The following FAM83F variants were observed in gnomAD, a reference collection of about 807,000 sequenced individuals.
The protein encoded by FAM83F is scaffolding CK1 anchoring protein F, also known as protein FAM83F.
FAM83F carries 45 observed loss-of-function variants against 42.9 expected under a neutral mutation model. The ratio of observed to expected loss-of-function variants is 1.05; its 90% CI spans 0.83 to 1.35. The LOEUF is 1.35. FAM83F is among the 40% of genes most tolerant of loss of function. FAM83F has a pLI of 0.00. For missense variants in FAM83F, 617 were observed against 695.9 expected, an observed-to-expected ratio of 0.89 and a Z score of 1.28; for synonymous variants, 306 against 298.3, an observed-to-expected ratio of 1.03 and a Z score of -0.27.
chr22:40,004,675 T>C (rs1417641285), intron 1 of FAM83F, among the ~76,000 whole-genome samples: 2 of 152,168 alleles, frequency 1.3e-5, no homozygotes, highest in East Asian at 1.9e-4. Context: ...TGACCTCAAG[T>C]GATCCACCCT....
At chr22:40,009,508 A>G (rs1010154704) in intron 1 of FAM83F, among the ~76,000 whole-genome samples, 1 of 152,222 alleles carries the variant, frequency 6.6e-6, no homozygotes, top group Non-Finnish European at 1.5e-5. Flanking sequence ...AGCTCATCAA[A>G]GCATGGTAGG....
Position 40,035,410 on chromosome 22 carries a change from C to T in FAM83F, c.*5845C>T, listed in dbSNP as rs951012844. On this transcript the variant is annotated 3_prime_UTR_variant, in exon 5 of 5. Coordinates refer to ENST00000333407, the MANE Select transcript of FAM83F (RefSeq NM_138435.4). Reference sequence around the variant, plus strand: ...AACCATGCGTCATGATTCTTATTTCCTGCTCGCAGCTTTGACTCTCTGCCT... The same window carrying T: ...AACCATGCGTCATGATTCTTATTTCTTGCTCGCAGCTTTGACTCTCTGCCT... 12 of 152,382 alleles carry T rather than the reference C, an allele frequency of 7.9e-5. No individual in the cohort carries two copies. The highest frequency in any genetic ancestry group is 2.6e-4 in the African/African-American group (11 of 41,578). The allele number at this position is 152,382 out of a possible 1,614,324, so 9.4% of individuals were successfully genotyped here.
At chr22:40,022,062 G>T (rs2067526660) in intron 4 of FAM83F, 99 bp downstream of exon 4, 2 of 1,082,978 alleles carry the variant, frequency 1.8e-6, no homozygotes, top group Non-Finnish European at 2.6e-6. Context: ...CTGCAGAGGA[G>T]TAGATTCCAT....
intron 1 of FAM83F, among the ~76,000 whole-genome samples, chr22:40,013,082 CAAAAAA>C (rs754625979): frequency 5.8e-4 from 27 of 46,410 alleles, no homozygotes; most frequent in East Asian, 1.6e-3. Flanking sequence ...GACTCCGTTT[CAAAAAA>C]AAAAAAAAAA....
chr22:40,001,771 AC>A (rs2145707928), intron 1 of FAM83F, among the ~76,000 whole-genome samples: 1 of 152,320 alleles, frequency 6.6e-6, no homozygotes, highest in Non-Finnish European at 1.5e-5. Context: ...TTAGAAAGTA[AC>A]TGCTGTCATC....
At chr22:40,007,380 C>T (rs1436991524) in intron 1 of FAM83F, among the ~76,000 whole-genome samples, 4 of 115,810 alleles carry the variant, frequency 3.5e-5, no homozygotes, top group Admixed American at 8.2e-5. Context: ...TCCTCTCCTC[C>T]TCCTCTCCTC....
intron 1 of FAM83F, among the ~76,000 whole-genome samples, chr22:40,000,380 G>A (rs576570981): frequency 6.6e-6 from 1 of 152,232 alleles, no homozygotes; most frequent in South Asian, 2.1e-4. Flanking sequence ...GAACAGCTGG[G>A]ATACAGATGC....
intron 1 of FAM83F, among the ~76,000 whole-genome samples, chr22:40,018,024 T>C (rs1253112144): frequency 6.6e-6 from 1 of 152,188 alleles, no homozygotes; most frequent in Non-Finnish European, 1.5e-5. Flanking sequence ...ATGGTTTGTG[T>C]AGGAAGCTGG....
intron 1 of FAM83F, among the ~76,000 whole-genome samples, chr22:40,007,205 C>T (rs951394537): frequency 1.7e-4 from 25 of 146,402 alleles, no homozygotes; most frequent in African/African-American, 5.9e-4. Context: ...CTCCTGCGGG[C>T]AGCTGTGCAG....
rs2145720465 is a variant in FAM83F, at chr22:40,021,601, G to A, written c.1091G>A (p.Gly364Asp). ...GAGGGGCAGGAGGAGGGCGCCAGCG[G>A]TGGCGAGTCGGCCTGGCGCCTGGAG... ...NPEGQEEGAS[G>D]GESAWRLESF... is the part of the protein sequence containing the mutation. The change falls in exon 4 of 5, where the codon GGT becomes GAT. Residue 364 changes from glycine (G) to aspartate (D), a missense_variant. By Grantham distance (94) the Gly-to-Asp change is moderately conservative. Coordinates refer to ENST00000333407, the MANE Select transcript of FAM83F (RefSeq NM_138435.4). This position sits in a 1 kb window ranked among gnomAD's most constrained non-coding sequence, Gnocchi z 8.7. 1.9e-6 allele frequency: 3 copies of A among 1,580,474 alleles called. No homozygotes were observed. The highest frequency in any genetic ancestry group is 2.6e-6 in the Non-Finnish European group (3 of 1,158,312).
rs1232005673 is a variant in FAM83F at position 40,035,831 on chromosome 22, C to T, written c.*6266C>T. On this transcript the variant is annotated 3_prime_UTR_variant, in exon 5 of 5. Transcript: ENST00000333407. ...GGGGCTGACGCAAACAGCTGGGCATCGGAGGAGCCTCCAGGGTTGTGACCT... is the reference window on the plus strand; with the variant it reads ...GGGGCTGACGCAAACAGCTGGGCATTGGAGGAGCCTCCAGGGTTGTGACCT... 2 of 152,204 alleles carry T rather than the reference C, an allele frequency of 1.3e-5. No individual in the cohort carries two copies. The highest frequency in any genetic ancestry group is 2.9e-5 in the Non-Finnish European group (2 of 68,050). 9.4% of individuals were successfully genotyped at this position (152,204 alleles called of 1,614,324 possible).
At chr22:40,005,111 C>T (rs1203773789) in intron 1 of FAM83F, among the ~76,000 whole-genome samples, 1 of 152,200 alleles carries the variant, frequency 6.6e-6, no homozygotes, top group Non-Finnish European at 1.5e-5. Flanking sequence ...CTGGCAATAG[C>T]CACAGAGTTA....
At chr22:40,004,784 C>A (rs564085923) in intron 1 of FAM83F, among the ~76,000 whole-genome samples, 1 of 152,234 alleles carries the variant, frequency 6.6e-6, no homozygotes, top group African/African-American at 2.4e-5. Context: ...TTTCATTTTA[C>A]GGATGAGGAA....
At position 40,035,563 on chromosome 22, in the gene FAM83F, T is replaced by C. The variant is rs2067618094; in HGVS notation, c.*5998T>C. The stretch of plus-strand genomic sequence containing the variant: ...GCTGGGTGCCCGGCCTGGGGATCCA[T>C]GGTGAGCGAGGAAGGCATGGTATTG... On this transcript the variant is annotated 3_prime_UTR_variant, in exon 5 of 5. Transcript: ENST00000333407. 1.3e-5 allele frequency: 2 copies of C among 152,166 alleles called. No individual in the cohort carries two copies. The highest frequency in any genetic ancestry group is 4.8e-5 in the African/African-American group (2 of 41,420). The allele number at this position is 152,166 out of a possible 1,614,324, so 9.4% of individuals were successfully genotyped here.
intron 4 of FAM83F, among the ~76,000 whole-genome samples, chr22:40,029,130 T>A (rs923915599): frequency 3.4e-5 from 4 of 117,934 alleles, no homozygotes; most frequent in Non-Finnish European, 5.4e-5. Flanking sequence ...TGTGTGTGTG[T>A]GTGAAAGCAA....
intron 1 of FAM83F, among the ~76,000 whole-genome samples, chr22:40,011,473 T>A (rs889040146): frequency 4.6e-5 from 7 of 152,128 alleles, no homozygotes; most frequent in African/African-American, 1.7e-4. Context: ...CTATCAGTGC[T>A]CCTGATAGTT....
chr22:40,024,180 T>A (rs2067537676), intron 4 of FAM83F, among the ~76,000 whole-genome samples: 1 of 152,140 alleles, frequency 6.6e-6, no homozygotes, highest in African/African-American at 2.4e-5. Context: ...TTTAAATTGT[T>A]TGTATAGACA....
intron 1 of FAM83F, chr22:40,009,730 C>A (rs192169256): frequency 6.6e-6 from 1 of 152,472 alleles, no homozygotes; most frequent in Admixed American, 6.5e-5. Flanking sequence ...AAGCTGCAGT[C>A]GGCTCTGTGG....
chr22:40,021,318 A>G lies in FAM83F; in HGVS notation c.808A>G (p.Arg270Gly), dbSNP rs2067518942. Reference sequence around the variant, plus strand: ...CACCTGGAGTTCCTCCCATGTGGACAGAAACCTCCTCCTGCTCCTGACAGG... The same window carrying G: ...CACCTGGAGTTCCTCCCATGTGGACGGAAACCTCCTCCTGCTCCTGACAGG... ...RFTWSSSHVD[R>G]NLLLLLTGQN... Residue 270 changes from arginine (R) to glycine (G), a missense_variant, in exon 4 of 5, where the codon AGA (arginine) becomes GGA (glycine). Physicochemically the swap from Arg to Gly is moderately radical, Grantham distance 125. Transcript: ENST00000333407. This position sits in a 1 kb window ranked among gnomAD's most constrained non-coding sequence, Gnocchi z 8.7. The G allele has an allele frequency of 6.4e-7, 1 of 1,563,364 alleles. No homozygotes were observed. Among genetic ancestry groups the G allele is most frequent in the Non-Finnish European group, 8.7e-7 (1 of 1,149,462 alleles).
Sources: allele counts gnomAD v4.1 joint callset (sites outside exome capture counted in the v4.1 genomes callset), GRCh38; gene constraint gnomAD v4.1.1; non-coding constraint Gnocchi (gnomAD v3.1); transcripts MANE v1.5; gene names NCBI Gene and HGNC (gene_info 2026-07-23, HGNC 2026-07-21).